AGBL1: variants seen among roughly 807,000 people sequenced by gnomAD.
The protein encoded by AGBL1 is cytosolic carboxypeptidase 4.
Under a neutral mutation model 118.9 loss-of-function variants are expected in AGBL1, and 130 were observed. That is an observed-to-expected ratio of 1.09 (90% confidence interval 0.95 to 1.26). AGBL1 has a LOEUF of 1.26. Among genes scored for constraint, AGBL1 ranks in the 50% most tolerant of loss-of-function variants. The pLI is 0.00. For missense variants in AGBL1, 1,584 were observed against 1,298.1 expected (o/e 1.22, Z -3.38); for synonymous variants, 555 against 478.9 (o/e 1.16, Z -2.08).
At chr15:86,467,203 T>C (rs2082418616) in intron 18 of AGBL1, among the ~76,000 whole-genome samples, 1 of 152,182 alleles carries the variant, frequency 6.6e-6, no homozygotes, top group African/African-American at 2.4e-5. Context: ...GCAGTCTGGC[T>C]ACAGAGGCTT....
intron 18 of AGBL1, among the ~76,000 whole-genome samples, chr15:86,449,833 C>A (rs2082170952): frequency 6.6e-6 from 1 of 152,142 alleles, no homozygotes; most frequent in South Asian, 2.1e-4. Flanking sequence ...ATGTCCAATC[C>A]TTCCACCCAG....
At chr15:86,659,463 C>G (rs1373605595) in intron 21 of AGBL1, among the ~76,000 whole-genome samples, 1 of 152,130 alleles carries the variant, frequency 6.6e-6, no homozygotes, top group Admixed American at 6.5e-5. Context: ...ACAACCTCAT[C>G]TCTGTGCCCA....
chr15:86,870,676 A>G (rs916187376), intron 22 of AGBL1, among the ~76,000 whole-genome samples: 6 of 152,108 alleles, frequency 3.9e-5, no homozygotes, highest in Non-Finnish European at 7.4e-5. Context: ...GCAGAGAAAA[A>G]AAAGGCATCT....
intron 13 of AGBL1, among the ~76,000 whole-genome samples, chr15:86,269,177 A>T (rs2079118724): frequency 1.3e-5 from 2 of 152,300 alleles, no homozygotes; most frequent in Non-Finnish European, 2.9e-5. Flanking sequence ...TATATTTAAG[A>T]TGTGTGTATT....
intron 21 of AGBL1, among the ~76,000 whole-genome samples, chr15:86,644,771 C>T (rs761168935): frequency 4.3e-5 from 6 of 140,792 alleles, no homozygotes; most frequent in African/African-American, 1.1e-4. Flanking sequence ...TTTGAGAGGT[C>T]AAGGCAGGTG....
intron 22 of AGBL1, among the ~76,000 whole-genome samples, chr15:86,867,645 C>G (rs965326277): frequency 2.0e-5 from 3 of 152,016 alleles, no homozygotes; most frequent in Admixed American, 1.3e-4. Context: ...GCAAAATGCA[C>G]CCGGACTAGG....
At chr15:86,484,708 T>G (rs2082692966) in intron 18 of AGBL1, among the ~76,000 whole-genome samples, 1 of 152,126 alleles carries the variant, frequency 6.6e-6, no homozygotes, top group African/African-American at 2.4e-5. Context: ...ATTGATTCCA[T>G]GTCTTATCAA....
At position 86,533,134 on chromosome 15, in the gene AGBL1, T is replaced by C. The variant is rs1216708062; in HGVS notation, c.2685+10195T>C. ...ATGGGATCTAATTAAACTACAGAGCTTCTGCACAGCAAAAGAAACTACCAT... is the reference window on the plus strand; with the variant it reads ...ATGGGATCTAATTAAACTACAGAGCCTCTGCACAGCAAAAGAAACTACCAT... On this transcript the variant is annotated intron_variant, in intron 19 of 22. Coordinates refer to ENST00000614907, the MANE Select transcript of AGBL1 (RefSeq NM_001386094.1). Among the ~76,000 whole-genome samples the C allele has an allele frequency of 9.2e-5, 6 of 65,370 alleles. 2 individuals are homozygous for C. The highest frequency in any genetic ancestry group is 1.5e-4 in the Non-Finnish European group (6 of 40,418). The allele number at this position is 65,370 out of a possible 152,430, so 42.9% of individuals were successfully genotyped here.
chr15:86,599,527 T>C (rs2084462397), intron 21 of AGBL1, among the ~76,000 whole-genome samples: 1 of 152,084 alleles, frequency 6.6e-6, no homozygotes, highest in Non-Finnish European at 1.5e-5. Flanking sequence ...GTACCTCAAA[T>C]CCTTTGGGAA....
At chr15:86,746,362 A>C (rs1462031836) in intron 22 of AGBL1, among the ~76,000 whole-genome samples, 2 of 152,018 alleles carry the variant, frequency 1.3e-5, no homozygotes, top group African/African-American at 2.4e-5. Flanking sequence ...CCCAGTTCCT[A>C]AATCTTTGTA....
chr15:86,328,755 G>A (rs2080225378), intron 17 of AGBL1, among the ~76,000 whole-genome samples: 1 of 152,164 alleles, frequency 6.6e-6, no homozygotes, highest in Non-Finnish European at 1.5e-5. Context: ...CTGAGAGAGA[G>A]CATTTTGTTT....
intron 17 of AGBL1, among the ~76,000 whole-genome samples, chr15:86,349,672 C>A (rs1347576186): frequency 6.6e-6 from 1 of 152,170 alleles, no homozygotes; most frequent in Non-Finnish European, 1.5e-5. Context: ...CCTGTCTTTA[C>A]TTCTGTCAGT....
Position 86,143,851 on chromosome 15 carries a change from C to T in AGBL1, c.262+6C>T, listed in dbSNP as rs62012444. 4.3e-5 allele frequency: 69 copies of T among 1,613,072 alleles called. No homozygotes were observed. Among genetic ancestry groups the T allele is most frequent in the Non-Finnish European group, 5.3e-5 (63 of 1,179,446 alleles). ...GGCCAAAGTTGGCCTAAGAGGTACT[C>T]GTACTCCAAGACCTAAAGCTGACTG... On this transcript the variant is annotated splice_donor_region_variant and intron_variant, in intron 3 of 22. Transcript: ENST00000614907.
At chr15:87,027,455 GA>G (rs1223166666) in intron 24 of AGBL1, among the ~76,000 whole-genome samples, 2 of 37,624 alleles carry the variant, frequency 5.3e-5, no homozygotes, top group East Asian at 1.0e-3. Flanking sequence ...CTATTATATA[GA>G]TGTATTATGC....
intron 17 of AGBL1, among the ~76,000 whole-genome samples, chr15:86,375,654 C>T (rs1234895330): frequency 6.6e-6 from 1 of 152,174 alleles, no homozygotes; most frequent in African/African-American, 2.4e-5. Flanking sequence ...AAAAAAGGTA[C>T]TCGGCTGTGC....
intron 1 of AGBL1, among the ~76,000 whole-genome samples, chr15:86,089,651 C>G (rs1895889685): frequency 6.6e-6 from 1 of 152,068 alleles, no homozygotes; most frequent in Admixed American, 6.6e-5. Context: ...GACCAATTCC[C>G]CGAAAACAAT....
chr15:86,422,592 A>G (rs2081806646), intron 18 of AGBL1, among the ~76,000 whole-genome samples: 1 of 152,230 alleles, frequency 6.6e-6, no homozygotes, highest in African/African-American at 2.4e-5. Context: ...GAAAATACTT[A>G]GAGCAGAACG....
intron 18 of AGBL1, among the ~76,000 whole-genome samples, chr15:86,446,467 G>A (rs1003314149): frequency 4.6e-5 from 7 of 152,232 alleles, no homozygotes; most frequent in African/African-American, 1.4e-4. Flanking sequence ...TTTGAGAGCA[G>A]GTTTTGTGCC....
intron 18 of AGBL1, among the ~76,000 whole-genome samples, chr15:86,494,751 T>A (rs1006736033): frequency 6.6e-6 from 1 of 152,090 alleles, no homozygotes; most frequent in Non-Finnish European, 1.5e-5. Flanking sequence ...TCTAGAACAT[T>A]GACCTTTAAA....
Sources: gnomAD v4.1 joint callset for allele counts (sites outside exome capture counted in the v4.1 genomes callset) on GRCh38, gnomAD v4.1.1 for gene constraint, MANE v1.5 for transcripts, NCBI Gene and HGNC (gene_info 2026-07-23, HGNC 2026-07-21) for gene names.